Variants in LY6S observed in about 807,000 individuals in gnomAD.
LY6S encodes the protein lymphocyte antigen 6S.
At chr8:143,049,439 C>A in the LY6S span, 1 of 381,136 alleles carries the variant, frequency 2.6e-6, no homozygotes, top group Non-Finnish European at 5.3e-6. Flanking sequence ...GAATCAGGGA[C>A]AATGGTCAGA....
the LY6S span, among the ~76,000 whole-genome samples, chr8:143,070,466 TATATATATAA>T: frequency 2.5e-3 from 99 of 39,328 alleles, 2 homozygotes; most frequent in South Asian, 0.031. Flanking sequence ...ATATATATAA[TATATATATAA>T]ATATATATAT....
chr8:143,057,313 C>T, the LY6S span: 2 of 345,386 alleles, frequency 5.8e-6, no homozygotes, highest in Non-Finnish European at 1.1e-5. Context: ...GCAGTGGTGC[C>T]ATCTCGGCTC....
chr8:143,069,511 A>G, the LY6S span, among the ~76,000 whole-genome samples: 1 of 152,194 alleles, frequency 6.6e-6, no homozygotes, highest in Non-Finnish European at 1.5e-5. Context: ...GCAAAATTCC[A>G]GAGATGACTT....
At chr8:143,045,220 A>G in the LY6S span, among the ~76,000 whole-genome samples, 2 of 152,110 alleles carry the variant, frequency 1.3e-5, no homozygotes, top group African/African-American at 4.8e-5. This position sits in a 1 kb window ranked among gnomAD's most constrained non-coding sequence, Gnocchi z 5.3. Flanking sequence ...TAGTTCCAGC[A>G]CACACGGGGC....
At chr8:143,045,688 C>G in the LY6S span, among the ~76,000 whole-genome samples, 2 of 152,294 alleles carry the variant, frequency 1.3e-5, no homozygotes, top group East Asian at 3.9e-4. The surrounding 1 kb of genome is among the most constrained non-coding windows in gnomAD (Gnocchi z 5.3). Context: ...CAGCCACTTG[C>G]CCTGCAGGCT....
chr8:143,047,028 A>G, the LY6S span, among the ~76,000 whole-genome samples: 1 of 152,116 alleles, frequency 6.6e-6, no homozygotes, highest in Non-Finnish European at 1.5e-5. Flanking sequence ...AATACAAATA[A>G]AAAATAAAGT....
the LY6S span, among the ~76,000 whole-genome samples, chr8:143,076,412 C>G: frequency 3.7e-4 from 56 of 152,298 alleles, no homozygotes; most frequent in African/African-American, 1.3e-3. Flanking sequence ...ACACCTATCC[C>G]CAGATTAAGA....
the LY6S span, chr8:143,044,122 A>T: frequency 2.4e-5 from 11 of 456,166 alleles, no homozygotes; most frequent in African/African-American, 1.8e-4. Flanking sequence ...GGCCTGGCTG[A>T]TATCCCACCA....
chr8:143,067,713 G>T, the LY6S span, among the ~76,000 whole-genome samples: 12 of 152,358 alleles, frequency 7.9e-5, no homozygotes, highest in African/African-American at 2.6e-4. Context: ...GAGAAGGTCA[G>T]CAGGGAAACA....
At chr8:143,058,183 C>T in the LY6S span, among the ~76,000 whole-genome samples, 76 of 152,038 alleles carry the variant, frequency 5.0e-4, no homozygotes, top group African/African-American at 1.8e-3. Flanking sequence ...CCGCGTGCGG[C>T]GACAAGAGAT....
the LY6S span, among the ~76,000 whole-genome samples, chr8:143,049,037 G>T: frequency 1.3e-5 from 2 of 152,130 alleles, no homozygotes; most frequent in Admixed American, 1.3e-4. Context: ...GTCGGGCCTG[G>T]AGACTTCCAG....
At chr8:143,049,335 G>A in the LY6S span, 1 of 530,530 alleles carries the variant, frequency 1.9e-6, no homozygotes, top group Non-Finnish European at 3.9e-6. Context: ...TTGTTACACT[G>A]TTTGTCCTGG....
At chr8:143,058,127 A>G in the LY6S span, among the ~76,000 whole-genome samples, 1 of 152,096 alleles carries the variant, frequency 6.6e-6, no homozygotes, top group Admixed American at 6.5e-5. Flanking sequence ...AGGATGCACA[A>G]ACAAGGGGTG....
the LY6S span, among the ~76,000 whole-genome samples, chr8:143,049,601 C>G: frequency 6.6e-6 from 1 of 152,258 alleles, no homozygotes; most frequent in Admixed American, 6.5e-5. Context: ...CATGGCCCAA[C>G]TCCAAGTCCA....
chr8:143,044,706 G>A, the LY6S span: 2 of 1,367,566 alleles, frequency 1.5e-6, no homozygotes, highest in Non-Finnish European at 2.0e-6. Flanking sequence ...TCACTTTCTG[G>A]GAGACACAGA....
the LY6S span, among the ~76,000 whole-genome samples, chr8:143,052,268 G>A: frequency 1.6e-4 from 25 of 152,140 alleles, no homozygotes; most frequent in Non-Finnish European, 2.9e-4. Flanking sequence ...GGGACACAGC[G>A]AGACTCCGTC....
chr8:143,069,635 A>G, the LY6S span, among the ~76,000 whole-genome samples: 1 of 152,242 alleles, frequency 6.6e-6, no homozygotes, highest in African/African-American at 2.4e-5. Flanking sequence ...TGTGCTCAGC[A>G]CGATTCCTGC....
At chr8:143,064,876 G>C in the LY6S span, among the ~76,000 whole-genome samples, 1 of 152,148 alleles carries the variant, frequency 6.6e-6, no homozygotes. Context: ...CTCTTCCTTT[G>C]CTTCATTTAA....
the LY6S span, among the ~76,000 whole-genome samples, chr8:143,051,629 C>CA: frequency 6.6e-6 from 1 of 152,094 alleles, no homozygotes; most frequent in Non-Finnish European, 1.5e-5. Flanking sequence ...GCTCATAGGT[C>CA]AAAAGCTCTT....
Sources: gnomAD v4.1 joint callset for allele counts (sites outside exome capture counted in the v4.1 genomes callset) on GRCh38, gnomAD v4.1.1 for gene constraint, Gnocchi (gnomAD v3.1) non-coding constraint, MANE v1.5 for transcripts, NCBI Gene and HGNC (gene_info 2026-07-23, HGNC 2026-07-21) for gene names.